The following COL17A1 variants were observed in gnomAD, a reference collection of about 807,000 sequenced individuals.
COL17A1 encodes collagen alpha-1(XVII) chain.
A neutral mutation model predicts 218.4 loss-of-function variants in COL17A1; 181 were observed. The ratio of observed to expected loss-of-function variants is 0.83; its 90% CI spans 0.73 to 0.94. COL17A1 has a LOEUF of 0.94. Among genes scored for constraint, COL17A1 ranks in the 40% least tolerant of loss-of-function variants. The pLI is 0.00. For missense variants in COL17A1, 1,924 were observed against 1,945.9 expected (o/e 0.99, Z 0.21); for synonymous variants, 721 against 731.0 (o/e 0.99, Z 0.22).
At chr10:104,040,080 G>A (rs1423459354) in intron 40 of COL17A1, 81 bp from the exon 41 acceptor site, 2 of 1,497,362 alleles carry the variant, frequency 1.3e-6, no homozygotes, top group East Asian at 4.5e-5. Flanking sequence ...GGAGGGGATA[G>A]GGGCTCCAAT....
chr10:104,037,740 T>A lies in COL17A1; in HGVS notation c.3104A>T (p.Gln1035Leu). ...GGGACCAGGTGGGCCTGGGGGACCC[T>A]GAACTCCGGATAGGTAAGATCTAAT... ...DSIRSYLSGV[Q>L]GPPGPPGPPG... is the part of the protein sequence containing the mutation. Residue 1035 changes from glutamine (Q) to leucine (L), a missense_variant, in exon 46 of 56, where the codon CAG (glutamine) becomes CTG (leucine). Transcript: ENST00000648076. The A allele has an allele frequency of 6.2e-7, 1 of 1,614,158 alleles. No individual in the cohort carries two copies. The highest frequency in any genetic ancestry group is 8.5e-7 in the Non-Finnish European group (1 of 1,180,024).
intron 2 of COL17A1, among the ~76,000 whole-genome samples, chr10:104,079,084 C>T (rs758946693): frequency 1.3e-5 from 2 of 152,106 alleles, no homozygotes; most frequent in African/African-American, 4.8e-5. Flanking sequence ...CAGGGCAACC[C>T]CTGAATGTGG....
chr10:104,054,928 A>C, intron 20 of COL17A1, 53 bp downstream of exon 20: 1 of 1,613,672 alleles, frequency 6.2e-7, no homozygotes, highest in Non-Finnish European at 8.5e-7. Flanking sequence ...TGATTGTTTG[A>C]AACAATTAAC....
chr10:104,040,458 GA>G (rs771518834), intron 39 of COL17A1, 48 bp from the exon 40 acceptor site: 1 of 1,282,262 alleles, frequency 7.8e-7, no homozygotes, highest in South Asian at 1.2e-5. Context: ...TGTTTGTGAA[GA>G]AGCAGCACTT....
chr10:104,046,751 A>G lies in COL17A1; in HGVS notation c.2358T>C (p.Pro786=). ...GGGAATGATCCAGCGACTCACCCTG[A>G]GGTCCCTGGGGTCCTGTGAGACCTG... The part of the protein sequence containing the change: ...GKPGLTGPQG[P]QGLPGTPGRP... Residue 786 remains proline (P), a synonymous_variant, in exon 32 of 56, where the codon CCT becomes CCC. Transcript: ENST00000648076. 1 of 1,613,944 alleles carries G rather than the reference A, an allele frequency of 6.2e-7. No individual in the cohort carries two copies. Among genetic ancestry groups the G allele is most frequent in the Non-Finnish European group, 8.5e-7 (1 of 1,179,870 alleles).
Position 104,061,491 on chromosome 10 carries a change from G to T in COL17A1, c.911-18C>A. ...CCCATATGCTGCAAGAAAGGAAGCT[G>T]GGTCAGCATGGGAGGGTGGTTCCAG... On this transcript the variant is annotated intron_variant, in intron 12 of 55. Coordinates refer to ENST00000648076, the MANE Select transcript of COL17A1 (RefSeq NM_000494.4). The T allele has an allele frequency of 6.2e-7, 1 of 1,610,412 alleles. No individual in the cohort carries two copies. The highest frequency in any genetic ancestry group is 2.2e-5 in the East Asian group (1 of 44,726).
chr10:104,054,143 G>A (rs1189961057), intron 20 of COL17A1, 25 bp from the exon 21 acceptor site: 1 of 1,598,974 alleles, frequency 6.3e-7, no homozygotes, highest in Non-Finnish European at 8.5e-7. Flanking sequence ...GCAAAAGAGA[G>A]AGTGGTCAGC....
intron 48 of COL17A1, among the ~76,000 whole-genome samples, chr10:104,036,023 T>C (rs2086284974): frequency 8.3e-6 from 1 of 120,386 alleles, no homozygotes; most frequent in Non-Finnish European, 1.8e-5. Flanking sequence ...TATGGGTGTG[T>C]CTGAGTATGG....
intron 13 of COL17A1, 45 bp downstream of exon 13, chr10:104,061,360 C>A: frequency 6.4e-7 from 1 of 1,554,050 alleles, no homozygotes; most frequent in Non-Finnish European, 8.9e-7. Context: ...GAGTAATCCT[C>A]CCTGTGCACC....
At chr10:104,041,636 C>A in intron 36 of COL17A1, 98 bp from the exon 37 acceptor site, 1 of 1,029,350 alleles carries the variant, frequency 9.7e-7, no homozygotes, top group South Asian at 1.4e-5. Flanking sequence ...CCAGGCACTC[C>A]AGGCTACCCT....
intron 35 of COL17A1, 78 bp from the exon 36 acceptor site, chr10:104,042,533 C>A: frequency 6.9e-7 from 1 of 1,456,960 alleles, no homozygotes; most frequent in South Asian, 1.1e-5. Context: ...TAATTCCTCC[C>A]AAGGCATGGA....
At chr10:104,073,917 A>G in intron 6 of COL17A1, 1 of 449,234 alleles carries the variant, frequency 2.2e-6, no homozygotes, top group Non-Finnish European at 4.1e-6. Flanking sequence ...TTAGGGGCTT[A>G]TCCATCCAAG....
chr10:104,044,800 G>C (rs115092754), intron 33 of COL17A1, among the ~76,000 whole-genome samples: 1,771 of 152,186 alleles, frequency 0.012, 32 homozygotes, highest in African/African-American at 0.041. Context: ...TGTTATTCTT[G>C]GGAATTCCAA....
At position 104,041,529 on chromosome 10, in the gene COL17A1, T is replaced by G; in HGVS notation, c.2561A>C (p.Asn854Thr). The change falls in exon 37 of 56, where the codon AAT becomes ACT. Residue 854 changes from asparagine (N) to threonine (T), a missense_variant. Transcript: ENST00000648076. ...AGLPGHQEVL[N>T]LQGPPGPPGP... The stretch of plus-strand genomic sequence containing the variant: ...GGGTGGGCCTGGGGGACCTTGTAAA[T>G]TAAGAACTTCTATAGAGAGAAGAAA... The G allele has an allele frequency of 6.2e-7, 1 of 1,613,090 alleles. No individual in the cohort carries two copies. The highest frequency in any genetic ancestry group is 8.5e-7 in the Non-Finnish European group (1 of 1,179,100).
At chr10:104,045,691 G>A in intron 33 of COL17A1, 67 bp downstream of exon 33, 1 of 1,325,862 alleles carries the variant, frequency 7.5e-7, no homozygotes, top group Non-Finnish European at 1.1e-6. Context: ...GCCTCCTCCT[G>A]TCCATCCCTT....
rs1328450949 is a variant in COL17A1 at position 104,077,475 on chromosome 10, C to T, written c.149G>A (p.Ser50Asn). The part of the protein sequence containing the change: ...YAKTASLGGG[S>N]RLEKQSLTHG... ...AGTCAGGCTTTGTTTCTCCAGCCGG[C>T]TCCCTCCACCAAGAGAGGCTGTTTT... is the stretch of plus-strand genomic sequence containing the variant. The change falls in exon 4 of 56, where the codon AGC becomes AAC. Residue 50 changes from serine to asparagine, a missense_variant. Coordinates refer to ENST00000648076, the MANE Select transcript of COL17A1 (RefSeq NM_000494.4). 1.2e-6 allele frequency: 2 copies of T among 1,613,602 alleles called. No homozygotes were observed. Among genetic ancestry groups the T allele is most frequent in the South Asian group, 2.2e-5 (2 of 90,850 alleles).
Position 104,034,667 on chromosome 10 carries a change from A to G in COL17A1, c.3720T>C (p.Ala1240=), listed in dbSNP as rs1205538091. 2.5e-6 allele frequency: 4 copies of G among 1,610,496 alleles called. No homozygotes were observed. In the East Asian group the frequency reaches 6.7e-5, roughly 27 times the overall value. ...CGCTCCGGAAGCTGTCGCTGTTTTC[A>G]GCTGCATAGGTTGCCAGGGCTCCTG... is the stretch of plus-strand genomic sequence containing the variant. ...GVSGALATYA[A]ENSDSFRSEL... is the part of the protein sequence containing the mutation. Residue 1240 remains alanine (A), a synonymous_variant, in exon 51 of 56, where the codon GCT becomes GCC. Transcript: ENST00000648076.
intron 1 of COL17A1, 84 bp downstream of exon 1, chr10:104,085,639 C>G (rs1654543072): frequency 6.6e-6 from 1 of 152,538 alleles, no homozygotes. Context: ...TTCTTTTCTC[C>G]AATAAACATT....
intron 45 of COL17A1, 60 bp from the exon 46 acceptor site, chr10:104,037,833 G>T: frequency 1.3e-6 from 2 of 1,589,084 alleles, no homozygotes; most frequent in East Asian, 2.3e-5. Flanking sequence ...TTCTCCCCAC[G>T]GAGGTGACCT....
Sources: allele counts gnomAD v4.1 joint callset (sites outside exome capture counted in the v4.1 genomes callset), GRCh38; gene constraint gnomAD v4.1.1; transcripts MANE v1.5; gene names NCBI Gene and HGNC (gene_info 2026-07-23, HGNC 2026-07-21).